The following FGF13 variants were observed in gnomAD, a reference collection of about 807,000 sequenced individuals.
FGF13 encodes the protein fibroblast growth factor 13.
In FGF13, 2 loss-of-function variants were observed where a neutral mutation model predicts 19.5. That is an observed-to-expected ratio of 0.10 (90% confidence interval 0.04 to 0.32). The LOEUF is 0.32. Ranked by LOEUF, FGF13 falls within the 10% of genes least tolerant of loss-of-function variation. FGF13 has a pLI of 1.00. For synonymous variants in FGF13, 72 were observed against 76.9 expected, an observed-to-expected ratio of 0.94 and a Z score of 0.33; for missense variants, 113 against 192.7, an observed-to-expected ratio of 0.59 and a Z score of 2.45.
At chrX:138,953,243 C>G (rs967941753) in intron 1 of FGF13, among the ~76,000 whole-genome samples, 4 of 111,040 alleles carry the variant, frequency 3.6e-5, no homozygotes, top group East Asian at 2.9e-4. Context: ...GAATACTATG[C>G]AGCCATAAAA....
intron 3 of FGF13, among the ~76,000 whole-genome samples, chrX:138,830,134 A>G (rs947110769): frequency 8.9e-6 from 1 of 112,653 alleles, no homozygotes; most frequent in African/African-American, 3.2e-5. Context: ...ACAAATTCCT[A>G]AAACTGTGGA....
rs779092989 is a variant in FGF13 at position 138,826,510 on chromosome X, T to C, written c.217+31002A>G. ...TTTAAAGTATGCATTTCTCAAGTGG[T>C]AAAGGAAAGATCTACATGGTAATAT... On this transcript the variant is annotated intron_variant, in intron 3 of 6. Transcript: ENST00000436198. Among the ~76,000 whole-genome samples the C allele has an allele frequency of 6.3e-5, 7 of 111,706 alleles. No homozygotes were observed. In the East Asian group the frequency reaches 2.0e-3, roughly 32 times the overall value.
Position 138,625,142 on chromosome X carries a change from A to G in FGF13, c.*7708T>C, listed in dbSNP as rs942452213. 1.8e-5 allele frequency: 2 copies of G among 110,633 alleles called. No individual in the cohort carries two copies. The highest frequency in any genetic ancestry group is 9.8e-5 in the Admixed American group (1 of 10,255). 9.1% of individuals were successfully genotyped at this position (110,633 alleles called of 1,213,427 possible). ...AATCAAAACCACAATGTAATATCAC[A>G]CATGTTATTAATAGGAATAATATTA... is the stretch of plus-strand genomic sequence containing the variant. On this transcript the variant is annotated 3_prime_UTR_variant, in exon 5 of 5. Transcript: ENST00000315930.
chrX:139,155,855 T>G (rs1040659667), intron 1 of FGF13, among the ~76,000 whole-genome samples: 4 of 112,020 alleles, frequency 3.6e-5, no homozygotes, highest in Admixed American at 9.4e-5. Flanking sequence ...AAAGCAGTCT[T>G]CTGGAACTTG....
chrX:139,004,682 C>T lies in FGF13; in HGVS notation c.-112-140032G>A, dbSNP rs141173283. Among the ~76,000 whole-genome samples the T allele has an allele frequency of 1.6e-4, 18 of 112,152 alleles. No homozygotes were observed. In the East Asian group the frequency reaches 5.1e-3, roughly 32 times the overall value. On this transcript the variant is annotated intron_variant, in intron 1 of 2. Coordinates refer to the FGF13 transcript ENST00000421460. ...TCTTCAATGACATTTCTGGATGTGC[C>T]CTGGGCCAGAGAGGAGCCCACTACC...
intron 1 of FGF13, among the ~76,000 whole-genome samples, chrX:138,873,051 G>GT (rs1360604600): frequency 9.0e-6 from 1 of 111,559 alleles, no homozygotes; most frequent in African/African-American, 3.3e-5. Context: ...ACGTTTTGAG[G>GT]TTTTTTTGTG....
intron 1 of FGF13, among the ~76,000 whole-genome samples, chrX:139,005,933 A>G (rs758905504): frequency 1.8e-5 from 2 of 108,830 alleles, no homozygotes; most frequent in Admixed American, 9.9e-5. Flanking sequence ...TATAAGATGT[A>G]GAAAATAGTC....
intron 1 of FGF13, among the ~76,000 whole-genome samples, chrX:138,891,622 C>G (rs1054963923): frequency 2.7e-5 from 3 of 111,378 alleles, no homozygotes; most frequent in Non-Finnish European, 5.6e-5. Flanking sequence ...GTTAATTCTG[C>G]GTGTCAACTT....
At chrX:138,915,734 A>C (rs2091614755) in intron 1 of FGF13, among the ~76,000 whole-genome samples, 1 of 111,948 alleles carries the variant, frequency 8.9e-6, no homozygotes, top group South Asian at 3.7e-4. Context: ...AGAGATGTAA[A>C]AATGCTCATT....
chrX:138,854,590 G>A (rs1003310594), downstream of FGF13, among the ~76,000 whole-genome samples: 2 of 112,089 alleles, frequency 1.8e-5, no homozygotes, highest in African/African-American at 6.5e-5. Flanking sequence ...TTAAAAAAGA[G>A]TTGGGTAATT....
intron 1 of FGF13, among the ~76,000 whole-genome samples, chrX:138,984,624 G>GA (rs2091984607): frequency 1.5e-5 from 1 of 64,697 alleles, no homozygotes; most frequent in Non-Finnish European, 2.9e-5. Flanking sequence ...GGATGAGGAA[G>GA]AGGAGGAGGA....
intron 1 of FGF13, among the ~76,000 whole-genome samples, chrX:138,954,436 A>C (rs2091831149): frequency 9.0e-6 from 1 of 111,703 alleles, no homozygotes; most frequent in Non-Finnish European, 1.9e-5. Flanking sequence ...ATCCCTTACC[A>C]GTTGTGTGGC....
chrX:138,794,591 C>T (rs1384941362), intron 3 of FGF13, among the ~76,000 whole-genome samples: 1 of 112,088 alleles, frequency 8.9e-6, no homozygotes, highest in Non-Finnish European at 1.9e-5. Context: ...GATCTGCCAA[C>T]CTAATGGGTG....
chrX:138,742,743 A>G (rs1181587885), upstream of FGF13, among the ~76,000 whole-genome samples: 1 of 112,053 alleles, frequency 8.9e-6, no homozygotes, highest in Admixed American at 9.5e-5. Flanking sequence ...CTCTTCTTAA[A>G]GCCTAGACAC....
intron 1 of FGF13, among the ~76,000 whole-genome samples, chrX:138,921,442 A>G (rs946221712): frequency 1.8e-5 from 2 of 111,836 alleles, no homozygotes; most frequent in Non-Finnish European, 3.8e-5. Context: ...TCTTACTCCA[A>G]TGTAGCCCTG....
intron 1 of FGF13, among the ~76,000 whole-genome samples, chrX:139,048,128 C>CT (rs2092293619): frequency 9.0e-6 from 1 of 111,168 alleles, no homozygotes; most frequent in Admixed American, 9.6e-5. Context: ...TTCAGTAGTT[C>CT]TTTTTTACAT....
upstream of FGF13, among the ~76,000 whole-genome samples, chrX:138,744,153 T>C (rs755281766): frequency 3.2e-4 from 36 of 111,485 alleles, 1 homozygote; most frequent in African/African-American, 8.8e-4. Flanking sequence ...TCAACCACTA[T>C]GTACTGTGCT....
At position 138,711,019 on chromosome X, in the gene FGF13, C is replaced by G. The variant is rs746135549; in HGVS notation, c.-16G>C. On this transcript the variant is annotated 5_prime_UTR_variant, in exon 1 of 5. Transcript: ENST00000315930. ...CCGCCGCCATGGCCACGACGCCCAC[C>G]ACCACCGCTTCTTTTGCTGCCCCTC... The G allele has an allele frequency of 8.3e-7, 1 of 1,207,033 alleles. No individual in the cohort carries two copies. Among genetic ancestry groups the G allele is most frequent in the East Asian group, 3.0e-5 (1 of 33,753 alleles).
chrX:139,147,657 A>G (rs759124886), intron 1 of FGF13, among the ~76,000 whole-genome samples: 30 of 111,655 alleles, frequency 2.7e-4, no homozygotes, highest in Non-Finnish European at 5.1e-4. Context: ...TCTGAAATCA[A>G]GTTGTCAACA....
Sources: allele counts gnomAD v4.1 joint callset (sites outside exome capture counted in the v4.1 genomes callset), GRCh38; gene constraint gnomAD v4.1.1; transcripts MANE v1.5; gene names NCBI Gene and HGNC (gene_info 2026-07-23, HGNC 2026-07-21).